The following KCNJ16 variants were observed in gnomAD, a reference collection of about 807,000 sequenced individuals.
The protein encoded by KCNJ16 is potassium inwardly rectifying channel subfamily J member 16.
Under a neutral mutation model 18.5 loss-of-function variants are expected in KCNJ16, and 15 were observed. The observed-to-expected ratio is 0.81, with a 90% CI of 0.54 to 1.25. The LOEUF is 1.25. Among genes scored for constraint, KCNJ16 ranks in the 50% most tolerant of loss-of-function variants. KCNJ16 has a pLI of 0.00. For missense variants in KCNJ16, 523 were observed against 525.7 expected (o/e 0.99, Z 0.05); for synonymous variants, 174 against 186.5 (o/e 0.93, Z 0.55).
chr17:70,106,331 G>A (rs1408272794), intron 2 of KCNJ16, among the ~76,000 whole-genome samples: 2 of 152,072 alleles, frequency 1.3e-5, no homozygotes, highest in Admixed American at 1.3e-4. Flanking sequence ...GCTTCTCTCT[G>A]CCTCCTTTTC....
At chr17:70,080,888 G>A (rs561575172) in intron 1 of KCNJ16, among the ~76,000 whole-genome samples, 6 of 152,144 alleles carry the variant, frequency 3.9e-5, no homozygotes, top group Non-Finnish European at 8.8e-5. Flanking sequence ...CTAGATCTCC[G>A]ATTCAAGATT....
At chr17:70,117,677 G>A (rs1842569318) in intron 2 of KCNJ16, among the ~76,000 whole-genome samples, 1 of 152,006 alleles carries the variant, frequency 6.6e-6, no homozygotes, top group South Asian at 2.1e-4. Flanking sequence ...TTTCCTTGAG[G>A]ATAAATATCA....
chr17:70,089,317 T>G (rs2071978546), intron 1 of KCNJ16, among the ~76,000 whole-genome samples: 1 of 152,226 alleles, frequency 6.6e-6, no homozygotes. Flanking sequence ...CTAAGCCACT[T>G]CAGTTGGCCC....
intron 1 of KCNJ16, among the ~76,000 whole-genome samples, chr17:70,093,544 G>A (rs2072220804): frequency 6.6e-6 from 1 of 152,118 alleles, no homozygotes; most frequent in Non-Finnish European, 1.5e-5. Context: ...GGTCTCATTT[G>A]CAGGTACTAG....
At chr17:70,081,729 C>T (rs920692932) in intron 1 of KCNJ16, among the ~76,000 whole-genome samples, 19 of 151,574 alleles carry the variant, frequency 1.3e-4, no homozygotes, top group African/African-American at 2.2e-4. Context: ...GGGTATAGAG[C>T]GAGCAGAGTT....
chr17:70,121,325 A>G (rs1004901198), intron 2 of KCNJ16, among the ~76,000 whole-genome samples: 3 of 152,190 alleles, frequency 2.0e-5, no homozygotes, highest in African/African-American at 7.2e-5. Flanking sequence ...CAGGAACAAT[A>G]TGTAGCCGCA....
chr17:70,109,313 G>T (rs974754062), intron 2 of KCNJ16, among the ~76,000 whole-genome samples: 1 of 152,032 alleles, frequency 6.6e-6, no homozygotes, highest in African/African-American at 2.4e-5. Flanking sequence ...CAGGGTAACT[G>T]GGAGAATTAA....
chr17:70,122,214 C>G (rs1372724983), intron 2 of KCNJ16, among the ~76,000 whole-genome samples: 1 of 151,776 alleles, frequency 6.6e-6, no homozygotes, highest in Non-Finnish European at 1.5e-5. Flanking sequence ...GCTGTGTTAC[C>G]CAGGCTGGAG....
At chr17:70,091,816 C>T (rs959113591) in intron 1 of KCNJ16, among the ~76,000 whole-genome samples, 2 of 152,184 alleles carry the variant, frequency 1.3e-5, no homozygotes, top group South Asian at 2.1e-4. Context: ...TCACCTCTCC[C>T]TTACTTATTT....
chr17:70,089,027 G>A (rs1034327776), intron 1 of KCNJ16, among the ~76,000 whole-genome samples: 8 of 152,294 alleles, frequency 5.3e-5, no homozygotes, highest in South Asian at 2.1e-4. Flanking sequence ...CCACCAGAAC[G>A]TGTGAAAGTT....
At chr17:70,099,783 C>T (rs1466633888) in intron 1 of KCNJ16, among the ~76,000 whole-genome samples, 2 of 152,078 alleles carry the variant, frequency 1.3e-5, no homozygotes, top group Non-Finnish European at 2.9e-5. Context: ...AAAAAAGTGA[C>T]CCAAACCAAA....
intron 2 of KCNJ16, among the ~76,000 whole-genome samples, chr17:70,103,641 C>T (rs2072776836): frequency 6.6e-6 from 1 of 152,018 alleles, no homozygotes; most frequent in Admixed American, 6.6e-5. Context: ...TTTCTAACTA[C>T]TCTGACTCTT....
At chr17:70,091,372 C>T (rs149305756) in intron 1 of KCNJ16, among the ~76,000 whole-genome samples, 108 of 152,278 alleles carry the variant, frequency 7.1e-4, no homozygotes, top group African/African-American at 2.5e-3. Flanking sequence ...ACTACAATCA[C>T]GTCTTATACA....
At chr17:70,123,669 G>A (rs1459986154) in intron 2 of KCNJ16, among the ~76,000 whole-genome samples, 1 of 151,976 alleles carries the variant, frequency 6.6e-6, no homozygotes, top group Non-Finnish European at 1.5e-5. Flanking sequence ...TAAATACAAT[G>A]AGGCTTACAG....
intron 1 of KCNJ16, among the ~76,000 whole-genome samples, chr17:70,094,669 G>A (rs2072271493): frequency 1.3e-5 from 2 of 152,082 alleles, no homozygotes; most frequent in South Asian, 2.1e-4. Context: ...AAACAAATTC[G>A]AGGTGGTAGA....
At chr17:70,093,761 T>G (rs2886632) in intron 1 of KCNJ16, among the ~76,000 whole-genome samples, 128,981 of 152,018 alleles carry the variant, frequency 0.85, 54,795 homozygotes, top group East Asian at 0.96. Flanking sequence ...TGGCCATTAT[T>G]GGGAGGTAAG....
rs2072586210 is a variant in KCNJ16 at position 70,100,771 on chromosome 17, G to A, written c.-191+5G>A. 6.6e-6 allele frequency: 1 copy of A among 152,134 alleles called. No individual in the cohort carries two copies. The highest frequency in any genetic ancestry group is 2.4e-5 in the African/African-American group (1 of 41,440). 9.4% of individuals were successfully genotyped at this position (152,134 alleles called of 1,614,324 possible). On this transcript the variant is annotated splice_donor_5th_base_variant and intron_variant, in intron 2 of 3. Transcript: ENST00000392671. ...GTGTTGCCTCTCACTTTAAAGGTAA[G>A]AAATTAAACCAATTTTAACATGATT...
intron 1 of KCNJ16, among the ~76,000 whole-genome samples, chr17:70,100,109 G>A (rs575297132): frequency 6.6e-6 from 1 of 152,246 alleles, no homozygotes; most frequent in African/African-American, 2.4e-5. Flanking sequence ...CCTCAGGCCG[G>A]CAAAAATGGC....
intron 1 of KCNJ16, among the ~76,000 whole-genome samples, chr17:70,082,778 A>G (rs1180923253): frequency 6.6e-6 from 1 of 152,166 alleles, no homozygotes; most frequent in African/African-American, 2.4e-5. Context: ...AAATTCACCT[A>G]CAAAGATTCA....
Sources: gnomAD v4.1 joint callset for allele counts (sites outside exome capture counted in the v4.1 genomes callset) on GRCh38, gnomAD v4.1.1 for gene constraint, MANE v1.5 for transcripts, NCBI Gene and HGNC (gene_info 2026-07-23, HGNC 2026-07-21) for gene names.